The following CCDC146 variants were observed in gnomAD, a reference collection of about 807,000 sequenced individuals.
CCDC146 encodes the protein coiled-coil domain containing 146, also known as coiled-coil domain-containing protein 146.
Under a neutral mutation model 119.3 loss-of-function variants are expected in CCDC146, and 92 were observed. That is an observed-to-expected ratio of 0.77 (90% confidence interval 0.65 to 0.92). The LOEUF (loss-of-function observed/expected upper bound fraction) is 0.92, where lower values mean the gene tolerates loss of function less well. Ranked by LOEUF, CCDC146 falls within the 40% of genes least tolerant of loss-of-function variation. CCDC146 has a pLI of 0.00. For missense variants in CCDC146, 1,000 were observed against 1,103.0 expected, an observed-to-expected ratio of 0.91 and a Z score of 1.32; for synonymous variants, 372 against 371.8, an observed-to-expected ratio of 1.00 and a Z score of -0.01.
At chr7:77,145,426 T>G (rs200445988) in intron 1 of CCDC146, among the ~76,000 whole-genome samples, 10 of 150,810 alleles carry the variant, frequency 6.6e-5, no homozygotes, top group Admixed American at 2.0e-4. Flanking sequence ...CTTCAGTTCT[T>G]CTCTGATCTT....
chr7:77,163,385 T>C (rs1222574127), intron 1 of CCDC146, among the ~76,000 whole-genome samples: 9 of 152,008 alleles, frequency 5.9e-5, no homozygotes, highest in African/African-American at 1.2e-4. Flanking sequence ...GAGGCAGAGG[T>C]TATAGTGAGC....
At chr7:77,180,524 C>T (rs945588863) in intron 2 of CCDC146, among the ~76,000 whole-genome samples, 5 of 152,090 alleles carry the variant, frequency 3.3e-5, no homozygotes, top group African/African-American at 1.2e-4. Flanking sequence ...CAAAGTGAGA[C>T]CCCACCTTTA....
At chr7:77,161,289 A>G (rs1041930021) in intron 1 of CCDC146, among the ~76,000 whole-genome samples, 3 of 152,160 alleles carry the variant, frequency 2.0e-5, no homozygotes, top group Non-Finnish European at 2.9e-5. Context: ...ATTACTGGGT[A>G]TATACCCAAA....
At chr7:77,126,752 G>T (rs910860995) in intron 1 of CCDC146, among the ~76,000 whole-genome samples, 2 of 152,112 alleles carry the variant, frequency 1.3e-5, no homozygotes, top group Non-Finnish European at 2.9e-5. Flanking sequence ...TGCTCTGGCT[G>T]AGCCCAGGGC....
intron 3 of CCDC146, 29 bp from the exon 4 acceptor site, chr7:77,241,662 T>C (rs755015897): frequency 9.4e-6 from 15 of 1,601,918 alleles, no homozygotes; most frequent in South Asian, 8.8e-5. Flanking sequence ...TGTCTCATTA[T>C]GTGAGTCTCT....
At chr7:77,274,692 AG>A (rs1793596550) in intron 11 of CCDC146, 40 bp downstream of exon 11, 1 of 1,524,080 alleles carries the variant, frequency 6.6e-7, no homozygotes, top group African/African-American at 1.4e-5. Flanking sequence ...TAACTACAAG[AG>A]TTCAGGGTAG....
At chr7:77,171,937 G>A (rs575701294) in intron 2 of CCDC146, among the ~76,000 whole-genome samples, 19 of 152,168 alleles carry the variant, frequency 1.2e-4, no homozygotes, top group African/African-American at 3.9e-4. Context: ...AATATTTCAA[G>A]AATCTCTCAA....
At chr7:77,122,966 A>G (rs1790643784) in intron 1 of CCDC146, among the ~76,000 whole-genome samples, 2 of 149,950 alleles carry the variant, frequency 1.3e-5, no homozygotes, top group Non-Finnish European at 3.0e-5. Flanking sequence ...TCCTGACCCT[A>G]AGTGACCTTA....
At position 77,260,155 on chromosome 7, in the gene CCDC146, A is replaced by G. The variant is rs1182294950; in HGVS notation, c.905A>G (p.Glu302Gly). The change falls in exon 8 of 19, where the codon GAA becomes GGA. Residue 302 changes from glutamate to glycine, a missense_variant. By Grantham distance (98) the Glu-to-Gly change is moderately conservative. This residue lies in a region of CCDC146 where 985 missense variants were observed against 1,045.3 expected (regional missense o/e 0.94). Transcript: ENST00000285871. ...KEVEGKRALL[E>G]IKEREHNQLV... ...GTTGAAGGCAAACGAGCCTTACTTG[A>G]AATCAAAGAACGAGAACATAACCAA... The G allele has an allele frequency of 6.2e-7, 1 of 1,614,198 alleles. No homozygotes were observed. Among genetic ancestry groups the G allele is most frequent in the Non-Finnish European group, 8.5e-7 (1 of 1,180,044 alleles).
rs187304036 is a variant in CCDC146, at chr7:77,141,736, T to G, written c.-12+19004T>G. 3.4e-3 allele frequency among the ~76,000 whole-genome samples: 514 copies of G among 152,322 alleles called. 1 individual carries two copies. Among genetic ancestry groups the G allele is most frequent in the Non-Finnish European group, 5.6e-3 (378 of 68,020 alleles). On this transcript the variant is annotated intron_variant, in intron 1 of 18. Coordinates refer to ENST00000285871, the MANE Select transcript of CCDC146 (RefSeq NM_020879.3). ...TGTCTTCTTTTGAGAAGTCTATGTTTGTATCCTTTGCCTCTTTTTGATGGG... is the reference window on the plus strand; with the variant it reads ...TGTCTTCTTTTGAGAAGTCTATGTTGGTATCCTTTGCCTCTTTTTGATGGG...
chr7:77,193,846 G>A (rs929322388), intron 2 of CCDC146: 3 of 152,504 alleles, frequency 2.0e-5, no homozygotes, highest in South Asian at 2.1e-4. Flanking sequence ...AGATTCTAAT[G>A]TTTGTAAACA....
At chr7:77,263,126 C>T (rs1011291450) in intron 9 of CCDC146, among the ~76,000 whole-genome samples, 1 of 152,194 alleles carries the variant, frequency 6.6e-6, no homozygotes, top group African/African-American at 2.4e-5. Flanking sequence ...CTGTGGTAGA[C>T]ACCTCTGATC....
At chr7:77,250,680 C>T (rs772332150) in intron 4 of CCDC146, among the ~76,000 whole-genome samples, 13 of 152,048 alleles carry the variant, frequency 8.5e-5, no homozygotes, top group Non-Finnish European at 1.8e-4. Flanking sequence ...AGTTTATTTT[C>T]CTGCATTAAT....
chr7:77,289,613 T>C (rs7801727), intron 17 of CCDC146, among the ~76,000 whole-genome samples: 36,350 of 151,992 alleles, frequency 0.24, 5,101 homozygotes, highest in African/African-American at 0.38. Context: ...CCAAAGTTGT[T>C]GCAAGTATTA....
At chr7:77,123,900 G>A (rs1049979949) in intron 1 of CCDC146, among the ~76,000 whole-genome samples, 1 of 152,152 alleles carries the variant, frequency 6.6e-6, no homozygotes, top group Non-Finnish European at 1.5e-5. Context: ...TTCAGCAAGG[G>A]CCCACTGCAA....
intron 2 of CCDC146, among the ~76,000 whole-genome samples, chr7:77,169,920 C>G (rs1395902585): frequency 6.6e-6 from 1 of 152,184 alleles, no homozygotes; most frequent in Non-Finnish European, 1.5e-5. Context: ...TCTAGCCCCT[C>G]TCAGTGGACA....
chr7:77,137,717 C>G (rs1036777490), intron 1 of CCDC146, among the ~76,000 whole-genome samples: 3 of 151,980 alleles, frequency 2.0e-5, no homozygotes, highest in Admixed American at 6.6e-5. Context: ...AAAATCTCAG[C>G]AACTCATTTG....
At chr7:77,237,181 TGA>T in intron 3 of CCDC146, 152 bp downstream of exon 3, 1 of 636,460 alleles carries the variant, frequency 1.6e-6, no homozygotes, top group Non-Finnish European at 2.8e-6. Context: ...GAAAGCATCG[TGA>T]GAGAGTGGGG....
At chr7:77,204,340 A>C in intron 2 of CCDC146, among the ~76,000 whole-genome samples, 1 of 152,202 alleles carries the variant, frequency 6.6e-6, no homozygotes, top group East Asian at 1.9e-4. Flanking sequence ...AAAAAAAATG[A>C]TTTCCACAAC....
Sources: gnomAD v4.1 joint callset for allele counts (sites outside exome capture counted in the v4.1 genomes callset) on GRCh38, gnomAD v4.1.1 for gene constraint, gnomAD v4.1.1 regional missense constraint, MANE v1.5 for transcripts, NCBI Gene and HGNC (gene_info 2026-07-23, HGNC 2026-07-21) for gene names.